KCNH1: variants seen among roughly 807,000 people sequenced by gnomAD.
The protein encoded by KCNH1 is voltage-gated delayed rectifier potassium channel KCNH1.
KCNH1 carries 27 observed loss-of-function variants against 69.2 expected under a neutral mutation model. The ratio of observed to expected loss-of-function variants is 0.39; its 90% confidence interval spans 0.29 to 0.54. KCNH1 has a LOEUF of 0.54. Among genes scored for constraint, KCNH1 ranks in the 20% least tolerant of loss-of-function variants. The probability of loss-of-function intolerance (pLI) is 0.68; values close to 1 mark genes in which losing one functional copy is unlikely to be tolerated. For synonymous variants in KCNH1, 456 were observed against 487.7 expected, an observed-to-expected ratio of 0.93 and a Z score of 0.86; for missense variants, 798 against 1,261.6, an observed-to-expected ratio of 0.63 and a Z score of 5.57.
intron 5 of KCNH1, among the ~76,000 whole-genome samples, chr1:211,056,543 C>A (rs1690308387): frequency 1.3e-5 from 2 of 151,790 alleles, no homozygotes; most frequent in African/African-American, 4.9e-5. Context: ...CTTGAGTGAA[C>A]ATAAGCAATA....
Position 210,791,205 on chromosome 1 carries a change from C to T in KCNH1, c.1915+6303G>A, listed in dbSNP as rs1684205139. Among the ~76,000 whole-genome samples, 5 of 152,228 alleles carry T rather than the reference C, an allele frequency of 3.3e-5. No individual in the cohort carries two copies. In the East Asian group the frequency reaches 7.7e-4, roughly 23 times the overall value. On this transcript the variant is annotated intron_variant, in intron 9 of 10. Coordinates refer to ENST00000271751, the MANE Select transcript of KCNH1 (RefSeq NM_172362.3). ...GGTTAATGTAATAAAAGGTCTCCCA[C>T]TCAGTGCATCCCTGCCTTAGTTGCT...
intron 3 of KCNH1, among the ~76,000 whole-genome samples, chr1:211,098,194 G>A (rs1031772088): frequency 6.6e-6 from 1 of 151,952 alleles, no homozygotes; most frequent in Non-Finnish European, 1.5e-5. Flanking sequence ...GACGGTGTGT[G>A]CCTATAGTCC....
chr1:210,726,531 C>A (rs923540087), intron 10 of KCNH1, among the ~76,000 whole-genome samples: 1 of 152,176 alleles, frequency 6.6e-6, no homozygotes, highest in Non-Finnish European at 1.5e-5. Context: ...GGACCAGGGT[C>A]ATGCTCAGGT....
Position 210,825,943 on chromosome 1 carries a change from G to A in KCNH1, c.1463-21777C>T, listed in dbSNP as rs191086412. 2.2e-3 allele frequency among the ~76,000 whole-genome samples: 333 copies of A among 152,218 alleles called. 2 individuals carry two copies. Among genetic ancestry groups the A allele is most frequent in the Middle Eastern group, 3.4e-3 (1 of 294 alleles). On this transcript the variant is annotated intron_variant, in intron 7 of 10. Coordinates refer to ENST00000271751, the MANE Select transcript of KCNH1 (RefSeq NM_172362.3). ...GGAGTATTCTGTGTTAATCACTTGG[G>A]TGTACAATTCAAATAAATGTCCACG...
intron 10 of KCNH1, among the ~76,000 whole-genome samples, chr1:210,709,718 AAAG>A (rs146512258): frequency 1.5e-5 from 2 of 135,356 alleles, no homozygotes; most frequent in Non-Finnish European, 3.2e-5. Flanking sequence ...AGAAAGAAAG[AAAG>A]AAGAGAGAGA....
intron 7 of KCNH1, among the ~76,000 whole-genome samples, chr1:210,853,211 CT>C (rs1165067879): frequency 6.6e-6 from 1 of 152,150 alleles, no homozygotes; most frequent in Non-Finnish European, 1.5e-5. Context: ...GTCTCAGTTT[CT>C]TTTTCTGTCA....
In KCNH1 at chr1:210,797,488, C is replaced by T. The variant is rs1410823436; in HGVS notation, c.1915+20G>A. 5.6e-6 allele frequency: 9 copies of T among 1,611,262 alleles called. No homozygotes were observed. Among genetic ancestry groups the T allele is most frequent in the Non-Finnish European group, 7.6e-6 (9 of 1,177,768 alleles). On this transcript the variant is annotated intron_variant, in intron 9 of 10. Transcript: ENST00000271751. Reference sequence around the variant, plus strand: ...GCCAACCCCAGATACCTTTGCCCATCCAGCAAAGCCAACACCTACCTAGAA... The same window carrying T: ...GCCAACCCCAGATACCTTTGCCCATTCAGCAAAGCCAACACCTACCTAGAA...
At chr1:210,745,032 A>ATC (rs1194952704) in intron 10 of KCNH1, among the ~76,000 whole-genome samples, 1 of 152,146 alleles carries the variant, frequency 6.6e-6, no homozygotes, top group African/African-American at 2.4e-5. Context: ...GCGAAACCCC[A>ATC]TCTCTACTAA....
Position 210,862,161 on chromosome 1 carries a change from C to T in KCNH1, c.1462+57479G>A, listed in dbSNP as rs532402024. Reference sequence around the variant, plus strand: ...AATCCAGCTGTTCCGACATAGTAATCTGGAGCAGCGTTGAGACAAAATTCA... The same window carrying T: ...AATCCAGCTGTTCCGACATAGTAATTTGGAGCAGCGTTGAGACAAAATTCA... On this transcript the variant is annotated intron_variant, in intron 7 of 10. Transcript: ENST00000271751. 2.3e-5 allele frequency: 31 copies of T among 1,351,960 alleles called. 1 individual carries two copies. In the South Asian group the frequency reaches 3.6e-4, roughly 16 times the overall value. 83.7% of individuals were successfully genotyped at this position (1,351,960 alleles called of 1,614,324 possible). A position where few individuals can be genotyped will look rare whatever the true frequency, so the allele number is the denominator to read the frequency against.
intron 10 of KCNH1, among the ~76,000 whole-genome samples, chr1:210,768,239 T>A (rs1237049615): frequency 6.6e-6 from 1 of 152,192 alleles, no homozygotes; most frequent in African/African-American, 2.4e-5. Flanking sequence ...ATTATAGCCA[T>A]ATAAACATTG....
chr1:211,032,021 C>G (rs1158900224), intron 5 of KCNH1, among the ~76,000 whole-genome samples: 1 of 152,206 alleles, frequency 6.6e-6, no homozygotes, highest in South Asian at 2.1e-4. Flanking sequence ...CTCATCATCT[C>G]AGCCCAAAAT....
intron 7 of KCNH1, among the ~76,000 whole-genome samples, chr1:210,869,757 G>T (rs1367327851): frequency 2.6e-5 from 4 of 151,998 alleles, no homozygotes; most frequent in Non-Finnish European, 5.9e-5. Context: ...ATTTTGGAAT[G>T]CCCTCAATAT....
At chr1:210,937,429 C>T (rs1687793272) in intron 6 of KCNH1, among the ~76,000 whole-genome samples, 1 of 152,220 alleles carries the variant, frequency 6.6e-6, no homozygotes, top group Admixed American at 6.5e-5. Context: ...ACAGTATGAG[C>T]ACATGATCTA....
chr1:210,829,640 T>A (rs1175018271), intron 7 of KCNH1, among the ~76,000 whole-genome samples: 1 of 152,206 alleles, frequency 6.6e-6, no homozygotes, highest in Non-Finnish European at 1.5e-5. Context: ...GCCTTTGCAC[T>A]GGCGGCTACC....
chr1:211,014,156 C>T (rs1689450754), intron 6 of KCNH1, among the ~76,000 whole-genome samples: 1 of 152,166 alleles, frequency 6.6e-6, no homozygotes, highest in African/African-American at 2.4e-5. Context: ...GCTCCCTTTT[C>T]CCCTTTGCAT....
intron 6 of KCNH1, among the ~76,000 whole-genome samples, chr1:210,981,671 G>C (rs987437728): frequency 3.9e-5 from 6 of 152,224 alleles, no homozygotes; most frequent in Non-Finnish European, 8.8e-5. Context: ...AAGTCCATCT[G>C]TACTGTCAAA....
chr1:210,846,365 C>T (rs1434219943), intron 7 of KCNH1, among the ~76,000 whole-genome samples: 3 of 152,190 alleles, frequency 2.0e-5, no homozygotes, highest in African/African-American at 7.2e-5. Flanking sequence ...CAGCATGGTA[C>T]TGGTACCAAA....
rs1037211092 is a variant in KCNH1 at position 211,107,153 on chromosome 1, C to G, written c.203+101G>C. ...CAATAAATTTTCCTGTGAATACACA[C>G]TAAATGAGGTAAAGGCAATTCCCGA... On this transcript the variant is annotated intron_variant, in intron 2 of 10. Coordinates refer to ENST00000271751, the MANE Select transcript of KCNH1 (RefSeq NM_172362.3). The G allele has an allele frequency of 3.6e-5, 48 of 1,326,882 alleles. No homozygotes were observed. In the East Asian group the frequency reaches 1.0e-3, roughly 28 times the overall value. 82.2% of individuals were successfully genotyped at this position (1,326,882 alleles called of 1,614,324 possible).
intron 10 of KCNH1, among the ~76,000 whole-genome samples, chr1:210,723,666 C>G (rs753629350): frequency 6.6e-6 from 1 of 152,150 alleles, no homozygotes; most frequent in Non-Finnish European, 1.5e-5. Context: ...TCTCTTGTTT[C>G]TGCTGGCTTC....
Sources: allele counts gnomAD v4.1 joint callset (sites outside exome capture counted in the v4.1 genomes callset), GRCh38; gene constraint gnomAD v4.1.1; transcripts MANE v1.5; gene names NCBI Gene and HGNC (gene_info 2026-07-23, HGNC 2026-07-21).